Variants in MCOLN2 observed in about 807,000 individuals in gnomAD.
MCOLN2 encodes the protein mucolipin TRP cation channel 2.
Under a neutral mutation model 67.5 loss-of-function variants are expected in MCOLN2, and 57 were observed. The ratio of observed to expected loss-of-function variants is 0.84; its 90% confidence interval spans 0.68 to 1.05. MCOLN2 has a LOEUF of 1.05. Among genes scored for constraint, MCOLN2 ranks in the 50% least tolerant of loss-of-function variants. MCOLN2 has a pLI of 0.00. For synonymous variants in MCOLN2, 246 were observed against 233.3 expected, an observed-to-expected ratio of 1.05 and a Z score of -0.50; for missense variants, 620 against 678.8, an observed-to-expected ratio of 0.91 and a Z score of 0.96.
chr1:84,981,271 A>G (rs1005332666), intron 1 of MCOLN2, among the ~76,000 whole-genome samples: 4 of 152,198 alleles, frequency 2.6e-5, no homozygotes, highest in Admixed American at 1.3e-4. Flanking sequence ...CTAAAAATAG[A>G]GCTACCATAT....
chr1:84,949,265 A>G (rs1648284326), intron 6 of MCOLN2, among the ~76,000 whole-genome samples: 1 of 152,244 alleles, frequency 6.6e-6, no homozygotes, highest in Non-Finnish European at 1.5e-5. Flanking sequence ...AAGATCCCCA[A>G]TTAGATTCAC....
At chr1:84,975,283 T>C (rs377162154) in intron 1 of MCOLN2, among the ~76,000 whole-genome samples, 16 of 152,136 alleles carry the variant, frequency 1.1e-4, no homozygotes, top group African/African-American at 3.6e-4. Context: ...GTCACAGAGG[T>C]AGTAGCCACA....
chr1:84,965,844 T>G (rs201406971), intron 1 of MCOLN2, 136 bp from the exon 2 acceptor site: 1 of 620,336 alleles, frequency 1.6e-6, no homozygotes, highest in South Asian at 2.6e-5. Flanking sequence ...GAACACAAAA[T>G]AAAAAAGCAA....
intron 1 of MCOLN2, among the ~76,000 whole-genome samples, chr1:84,980,450 TAC>T (rs371249934): frequency 6.6e-6 from 1 of 152,176 alleles, no homozygotes; most frequent in African/African-American, 2.4e-5. Flanking sequence ...AGCATGGTAT[TAC>T]ACAGATACAA....
At chr1:84,974,709 G>T (rs1212378099) in intron 1 of MCOLN2, among the ~76,000 whole-genome samples, 2 of 152,036 alleles carry the variant, frequency 1.3e-5, no homozygotes, top group Non-Finnish European at 2.9e-5. Context: ...CGGCTATTGG[G>T]GGGTGGAGCA....
chr1:84,947,291 T>A (rs1288336105), intron 6 of MCOLN2, among the ~76,000 whole-genome samples, 159 bp from the exon 7 acceptor site: 1 of 148,384 alleles, frequency 6.7e-6, no homozygotes, highest in African/African-American at 2.6e-5. Flanking sequence ...TGACACTCAT[T>A]TCCTGCACCC....
At chr1:84,959,865 A>G (rs1455982108) in intron 2 of MCOLN2, among the ~76,000 whole-genome samples, 1 of 152,218 alleles carries the variant, frequency 6.6e-6, no homozygotes, top group Non-Finnish European at 1.5e-5. Context: ...ACATCTGAAC[A>G]ATAATATACA....
rs144065603 is a variant in MCOLN2 at position 84,962,372 on chromosome 1, C to T, written c.237+3177G>A. Among the ~76,000 whole-genome samples, 193 of 152,122 alleles carry T rather than the reference C, an allele frequency of 1.3e-3. 1 individual carries two copies. Among genetic ancestry groups the T allele is most frequent in the African/African-American group, 4.4e-3 (182 of 41,498 alleles). ...TCAAGTCTGGGCAACAAAGCAAGAC[C>T]CCATCTCTACAAAAATAAAATAAAA... On this transcript the variant is annotated intron_variant, in intron 2 of 13. Coordinates refer to ENST00000370608, the MANE Select transcript of MCOLN2 (RefSeq NM_153259.4).
At chr1:84,931,593 T>C in intron 11 of MCOLN2, 25 bp from the exon 12 acceptor site, 1 of 1,582,608 alleles carries the variant, frequency 6.3e-7, no homozygotes, top group East Asian at 2.2e-5. Context: ...AAAAACTAGT[T>C]TCTGAAATAG....
chr1:84,948,713 A>C (rs1648246207), intron 6 of MCOLN2, among the ~76,000 whole-genome samples: 1 of 152,282 alleles, frequency 6.6e-6, no homozygotes, highest in South Asian at 2.1e-4. Flanking sequence ...TTTGATTGAG[A>C]AATTCAACAG....
intron 7 of MCOLN2, among the ~76,000 whole-genome samples, chr1:84,942,221 C>T (rs1647828435): frequency 6.6e-6 from 1 of 152,214 alleles, no homozygotes; most frequent in Non-Finnish European, 1.5e-5. Flanking sequence ...TTGGTTACTA[C>T]ACACACCCAG....
At chr1:84,959,775 T>C (rs928610210) in intron 2 of MCOLN2, among the ~76,000 whole-genome samples, 44 of 152,244 alleles carry the variant, frequency 2.9e-4, no homozygotes, top group African/African-American at 1.0e-3. Context: ...GACTGTTTTC[T>C]TCCTATGTAA....
chr1:84,953,228 A>G (rs1407049631), intron 4 of MCOLN2, among the ~76,000 whole-genome samples: 2 of 152,110 alleles, frequency 1.3e-5, no homozygotes, highest in Non-Finnish European at 2.9e-5. Flanking sequence ...ATATTTATGC[A>G]TAGAAAGAAT....
chr1:84,931,866 A>C (rs1386090061), intron 11 of MCOLN2, among the ~76,000 whole-genome samples: 6 of 152,052 alleles, frequency 3.9e-5, no homozygotes. Flanking sequence ...TCTCTACAAA[A>C]AGTACAAAAA....
At chr1:84,940,204 A>G (rs677911) in intron 8 of MCOLN2, among the ~76,000 whole-genome samples, 68,261 of 151,818 alleles carry the variant, frequency 0.45, 16,745 homozygotes, top group African/African-American at 0.66. Context: ...GCATGTAAGA[A>G]AGGTGGATAT....
intron 1 of MCOLN2, among the ~76,000 whole-genome samples, chr1:84,976,630 G>C (rs1190204014): frequency 6.6e-6 from 1 of 152,166 alleles, no homozygotes; most frequent in Admixed American, 6.6e-5. Context: ...GCCAGGCATG[G>C]TGGCGCAGGC....
chr1:84,965,695 G>A lies in MCOLN2; in HGVS notation c.91C>T (p.His31Tyr). The change falls in exon 2 of 14, where the codon CAT becomes TAT. Residue 31 changes from histidine (H) to tyrosine (Y), a missense_variant. His to Tyr is a moderately conservative substitution (Grantham distance 83, BLOSUM62 2). Coordinates refer to ENST00000370608, the MANE Select transcript of MCOLN2 (RefSeq NM_153259.4). ...FRLTVRNAMAHRDSEMKEECL... is the reference protein window; with the variant it reads ...FRLTVRNAMAYRDSEMKEECL... The stretch of plus-strand genomic sequence containing the variant: ...TCTTCTTTCATCTCAGAATCACGAT[G>A]TGCCATTGCATTTCTGCCACAGAAG... The A allele has an allele frequency of 6.2e-7, 1 of 1,612,744 alleles. No homozygotes were observed. Among genetic ancestry groups the A allele is most frequent in the South Asian group, 1.1e-5 (1 of 90,656 alleles).
rs2102871955 is a variant in MCOLN2, at chr1:84,975,446, T to C, written c.78-9738A>G. Among the ~76,000 whole-genome samples, 2 of 152,328 alleles carry C rather than the reference T, an allele frequency of 1.3e-5. 1 individual carries two copies. The highest frequency in any genetic ancestry group is 4.1e-4 in the South Asian group (2 of 4,828). ...GATCTTGTTCAAGGTGGTAACTCCA[T>C]GAGTCTATAAGAACCACAGCATTAC... On this transcript the variant is annotated intron_variant, in intron 1 of 13. Coordinates refer to ENST00000370608, the MANE Select transcript of MCOLN2 (RefSeq NM_153259.4).
At chr1:84,952,408 CTCA>C (rs1648540259) in intron 5 of MCOLN2, 35 bp downstream of exon 5, 3 of 1,568,824 alleles carry the variant, frequency 1.9e-6, no homozygotes, top group Non-Finnish European at 2.6e-6. Context: ...TTCTCCCACC[CTCA>C]TCTCTTAGGG....
Sources: allele counts gnomAD v4.1 joint callset (sites outside exome capture counted in the v4.1 genomes callset), GRCh38; gene constraint gnomAD v4.1.1; transcripts MANE v1.5; gene names NCBI Gene and HGNC (gene_info 2026-07-23, HGNC 2026-07-21).